Variants in CYB561D1 observed in about 807,000 individuals in gnomAD.
CYB561D1 encodes cytochrome b561 family member D1, also known as probable transmembrane reductase CYB561D1.
CYB561D1 carries 15 observed loss-of-function variants against 19.2 expected under a neutral mutation model. That is an observed-to-expected ratio of 0.78 (90% CI 0.52 to 1.20). The LOEUF (loss-of-function observed/expected upper bound fraction) is 1.20, where lower values mean the gene tolerates loss of function less well. CYB561D1 is among the 50% of genes most tolerant of loss of function. The pLI is 0.00. For synonymous variants in CYB561D1, 133 were observed against 120.6 expected (o/e 1.10, Z -0.68); for missense variants, 297 against 287.3 (o/e 1.03, Z -0.24).
At chr1:109,494,884 G>A (rs192299693) in intron 1 of CYB561D1, among the ~76,000 whole-genome samples, 4 of 142,112 alleles carry the variant, frequency 2.8e-5, no homozygotes, top group African/African-American at 5.5e-5. Flanking sequence ...AAACAAAAAA[G>A]GGGCAGAGGA....
chr1:109,499,302 TC>T lies in CYB561D1; in HGVS notation c.*3046del, dbSNP rs1277332875. The stretch of plus-strand genomic sequence containing the variant: ...CTGCCCTTCCGCACTCACTGGCCCA[TC>T]CCTTCTTTCTCATCGTCCCACCCTT... On this transcript the variant is annotated 3_prime_UTR_variant, in exon 3 of 3. Coordinates refer to ENST00000420578, the MANE Select transcript of CYB561D1 (RefSeq NM_182580.3). The T allele has an allele frequency of 6.6e-6, 1 of 152,284 alleles. No homozygotes were observed. Among genetic ancestry groups the T allele is most frequent in the African/African-American group, 2.4e-5 (1 of 41,386 alleles). The allele number at this position is 152,284 out of a possible 1,614,324, so 9.4% of individuals were successfully genotyped here.
At chr1:109,495,277 A>T in intron 2 of CYB561D1, 97 bp downstream of exon 2, 2 of 1,395,344 alleles carry the variant, frequency 1.4e-6, no homozygotes, top group Non-Finnish European at 2.0e-6. Flanking sequence ...TTCTAAGGCT[A>T]AGACAGGTGG....
In CYB561D1 at chr1:109,498,376, C is replaced by T. The variant is rs903978839; in HGVS notation, c.*2117C>T. 2 of 152,200 alleles carry T rather than the reference C, an allele frequency of 1.3e-5. No individual in the cohort carries two copies. The highest frequency in any genetic ancestry group is 1.3e-4 in the Admixed American group (2 of 15,106). 9.4% of individuals were successfully genotyped at this position (152,200 alleles called of 1,614,324 possible). A position where few individuals can be genotyped will look rare whatever the true frequency, so the allele number is the denominator to read the frequency against. On this transcript the variant is annotated 3_prime_UTR_variant, in exon 3 of 3. Coordinates refer to ENST00000420578, the MANE Select transcript of CYB561D1 (RefSeq NM_182580.3). ...CAGGAGGAAGGGGCCCCAGCTGTCG[C>T]CTTTCTGACCAGCAGGCCTGGAGGG...
intron 2 of CYB561D1, among the ~76,000 whole-genome samples, chr1:109,495,460 C>T (rs921482975): frequency 4.6e-5 from 7 of 152,176 alleles, no homozygotes; most frequent in Admixed American, 2.6e-4. Context: ...CCGGTCATCT[C>T]CCGACTTGTC....
At position 109,496,035 on chromosome 1, in the gene CYB561D1, G is replaced by T; in HGVS notation, c.466G>T (p.Val156Phe). The T allele has an allele frequency of 6.2e-7, 1 of 1,611,674 alleles. No homozygotes were observed. The highest frequency in any genetic ancestry group is 8.5e-7 in the Non-Finnish European group (1 of 1,178,178). Residue 156 changes from valine to phenylalanine, a missense_variant, in exon 3 of 3, where the codon GTC becomes TTC. By Grantham distance (50) the Val-to-Phe change is conservative. Transcript: ENST00000420578. ...LCLLCPRAAR[V>F]SRVARLKLYH... ...CCTCCTTTGTCCCCGGGCAGCCAGG[G>T]TCTCAAGGGTGGCTCGCCTCAAGCT... is the stretch of plus-strand genomic sequence containing the variant.
rs1003780259 is a variant in CYB561D1 at position 109,496,481 on chromosome 1, G to A, written c.*222G>A. The stretch of plus-strand genomic sequence containing the variant: ...GGAAGGTGATGGAGAGCCTGATCCT[G>A]AAGCCTCTACTTGATGAGAGACAGA... On this transcript the variant is annotated 3_prime_UTR_variant, in exon 3 of 3. Transcript: ENST00000420578. 15 of 419,090 alleles carry A rather than the reference G, an allele frequency of 3.6e-5. No individual in the cohort carries two copies. In the South Asian group the frequency reaches 1.0e-3, roughly 28 times the overall value. 26.0% of individuals were successfully genotyped at this position (419,090 alleles called of 1,614,324 possible). A position where few individuals can be genotyped will look rare whatever the true frequency, so the allele number is the denominator to read the frequency against.
intron 1 of CYB561D1, 72 bp downstream of exon 1, chr1:109,494,359 G>T: frequency 6.6e-7 from 1 of 1,518,748 alleles, no homozygotes; most frequent in Non-Finnish European, 8.9e-7. Flanking sequence ...TGGGAGCCCC[G>T]GGAGACTTGG....
chr1:109,497,711 C>T lies in CYB561D1; in HGVS notation c.*1452C>T, dbSNP rs1298838172. ...GGATGTAGGCGCTGGAGCTCCAGTTCCCAGGAGCAGGGGCAGGTGTTCCTA... is the reference window on the plus strand; with the variant it reads ...GGATGTAGGCGCTGGAGCTCCAGTTTCCAGGAGCAGGGGCAGGTGTTCCTA... On this transcript the variant is annotated 3_prime_UTR_variant, in exon 3 of 3. Coordinates refer to ENST00000420578, the MANE Select transcript of CYB561D1 (RefSeq NM_182580.3). The T allele has an allele frequency of 2.0e-5, 3 of 152,232 alleles. No homozygotes were observed. Among genetic ancestry groups the T allele is most frequent in the Non-Finnish European group, 4.4e-5 (3 of 68,066 alleles). 9.4% of individuals were successfully genotyped at this position (152,232 alleles called of 1,614,324 possible).
Position 109,496,546 on chromosome 1 carries a change from T to TA in CYB561D1, c.*287_*288insA. On this transcript the variant is annotated 3_prime_UTR_variant, in exon 3 of 3. Coordinates refer to ENST00000420578, the MANE Select transcript of CYB561D1 (RefSeq NM_182580.3). Reference sequence around the variant, plus strand: ...TAGTGATGTGCTGGTGGTCATTTCTTGCTTGTGTGCCTGATGAAAAACTGG... The same window carrying TA: ...TAGTGATGTGCTGGTGGTCATTTCTTAGCTTGTGTGCCTGATGAAAAACTGG... 3.7e-6 allele frequency: 1 copy of TA among 271,532 alleles called. No individual in the cohort carries two copies. 16.8% of individuals were successfully genotyped at this position (271,532 alleles called of 1,614,324 possible).
Position 109,497,141 on chromosome 1 carries a change from A to G in CYB561D1, c.*882A>G, listed in dbSNP as rs1423392483. The G allele has an allele frequency of 6.6e-6, 1 of 152,614 alleles. No homozygotes were observed. The highest frequency in any genetic ancestry group is 1.5e-5 in the Non-Finnish European group (1 of 68,036). The allele number at this position is 152,614 out of a possible 1,614,324, so 9.5% of individuals were successfully genotyped here. ...AGATCTTCCTTCAGCCCACCTCAGG[A>G]TCCGGGCTTGAGGGCTGCAGGGCCT... On this transcript the variant is annotated 3_prime_UTR_variant, in exon 3 of 3. Transcript: ENST00000420578.
chr1:109,494,504 C>T (rs74113902), intron 1 of CYB561D1: 1 of 1,536,212 alleles, frequency 6.5e-7, no homozygotes, highest in Non-Finnish European at 8.8e-7. Context: ...TTGAACAGAC[C>T]GAACTACTTC....
In CYB561D1 at chr1:109,495,910, G is replaced by A; in HGVS notation, c.341G>A (p.Ser114Asn). The A allele has an allele frequency of 6.2e-7, 1 of 1,613,998 alleles. No homozygotes were observed. Among genetic ancestry groups the A allele is most frequent in the Non-Finnish European group, 8.5e-7 (1 of 1,180,024 alleles). Residue 114 changes from serine to asparagine, a missense_variant, in exon 3 of 3, where the codon AGC becomes AAC. Physicochemically the swap from Ser to Asn is conservative, Grantham distance 46. Coordinates refer to ENST00000420578, the MANE Select transcript of CYB561D1 (RefSeq NM_182580.3). Reference protein sequence around the residue: ...AALGLGFIISSRTRSELPHLV... With the variant: ...AALGLGFIISNRTRSELPHLV... ...CTGGGCCTGGGCTTCATCATCTCCA[G>A]CAGGACCCGCAGTGAGCTGCCTCAT... is the stretch of plus-strand genomic sequence containing the variant.
chr1:109,495,724 T>C (rs1370796110), intron 2 of CYB561D1, 32 bp from the exon 3 acceptor site: 22 of 1,614,118 alleles, frequency 1.4e-5, no homozygotes, highest in Non-Finnish European at 1.9e-5. Context: ...AAGCCAGACA[T>C]GAGGCTTACT....
rs950166006 is a variant in CYB561D1, at chr1:109,494,146, C to G, written c.7C>G (p.Pro3Ala). MQ[P>A]LEVGLVPAPA... ...GGGCCCGCGGGCCACGGCCATGCAG[C>G]CCCTGGAGGTAGGTCTGGTTCCCGC... Residue 3 changes from proline to alanine, a missense_variant, in exon 1 of 3, where the codon CCC becomes GCC. By Grantham distance (27) the Pro-to-Ala change is conservative. Transcript: ENST00000420578. 1.3e-5 allele frequency: 20 copies of G among 1,526,704 alleles called. No homozygotes were observed. Among genetic ancestry groups the G allele is most frequent in the Non-Finnish European group, 1.7e-5 (19 of 1,133,112 alleles). 94.6% of individuals were successfully genotyped at this position (1,526,704 alleles called of 1,614,324 possible).
At chr1:109,494,619 T>G (rs1158194556) in intron 1 of CYB561D1, 4 of 1,317,304 alleles carry the variant, frequency 3.0e-6, no homozygotes, top group Non-Finnish European at 3.0e-6. Context: ...GGTGGATCAC[T>G]TGAGGTCAGG....
chr1:109,497,928 A>G lies in CYB561D1; in HGVS notation c.*1669A>G, dbSNP rs1657661859. ...GATTGCATCTCCAGGACAAGCATCTAAAGGAGGCCCCTGCTGTGCAGAGGG... is the reference window on the plus strand; with the variant it reads ...GATTGCATCTCCAGGACAAGCATCTGAAGGAGGCCCCTGCTGTGCAGAGGG... On this transcript the variant is annotated 3_prime_UTR_variant, in exon 3 of 3. Coordinates refer to ENST00000420578, the MANE Select transcript of CYB561D1 (RefSeq NM_182580.3). 6.6e-6 allele frequency: 1 copy of G among 152,260 alleles called. No homozygotes were observed. The allele number at this position is 152,260 out of a possible 1,614,324, so 9.4% of individuals were successfully genotyped here. A position where few individuals can be genotyped will look rare whatever the true frequency, so the allele number is the denominator to read the frequency against.
In CYB561D1 at chr1:109,498,172, T is replaced by TA. The variant is rs1250515367; in HGVS notation, c.*1915dup. 6.7e-6 allele frequency: 1 copy of TA among 149,598 alleles called. No homozygotes were observed. Among genetic ancestry groups the TA allele is most frequent in the East Asian group, 2.0e-4 (1 of 4,936 alleles). The allele number at this position is 149,598 out of a possible 1,614,324, so 9.3% of individuals were successfully genotyped here. On this transcript the variant is annotated 3_prime_UTR_variant, in exon 3 of 3. Coordinates refer to ENST00000420578, the MANE Select transcript of CYB561D1 (RefSeq NM_182580.3). ...CCAGGCAAAGTTCACCAGCTTGCTC[T>TA]AAGAGCAAGCAGGCAATGCCGTAAA...
chr1:109,498,255 G>C lies in CYB561D1; in HGVS notation c.*1996G>C, dbSNP rs1657685076. 1 of 152,218 alleles carries C rather than the reference G, an allele frequency of 6.6e-6. No individual in the cohort carries two copies. The highest frequency in any genetic ancestry group is 2.4e-5 in the African/African-American group (1 of 41,412). 9.4% of individuals were successfully genotyped at this position (152,218 alleles called of 1,614,324 possible). A position where few individuals can be genotyped will look rare whatever the true frequency, so the allele number is the denominator to read the frequency against. On this transcript the variant is annotated 3_prime_UTR_variant, in exon 3 of 3. Transcript: ENST00000420578. ...AGGTGGTGCGGGGGCTGGTGGGCGG[G>C]CGGGCAGGCGTGCTGACAGCCGGCA...
At position 109,496,374 on chromosome 1, in the gene CYB561D1, TC is replaced by T; in HGVS notation, c.*117del. The T allele has an allele frequency of 1.6e-6, 2 of 1,247,254 alleles. No individual in the cohort carries two copies. Among genetic ancestry groups the T allele is most frequent in the Non-Finnish European group, 2.2e-6 (2 of 912,226 alleles). The allele number at this position is 1,247,254 out of a possible 1,614,324, so 77.3% of individuals were successfully genotyped here. ...TCAGGTTTTCGCACTTCTTGGCTGG[TC>T]CAGGGACTGCAGAAACCAAAGCTGC... On this transcript the variant is annotated 3_prime_UTR_variant, in exon 3 of 3. Coordinates refer to ENST00000420578, the MANE Select transcript of CYB561D1 (RefSeq NM_182580.3).
Sources: allele counts gnomAD v4.1 joint callset (sites outside exome capture counted in the v4.1 genomes callset), GRCh38; gene constraint gnomAD v4.1.1; transcripts MANE v1.5; gene names NCBI Gene and HGNC (gene_info 2026-07-23, HGNC 2026-07-21).